Variants in AP4B1 observed in about 807,000 individuals in gnomAD.
The protein encoded by AP4B1 is adaptor related protein complex 4 subunit beta 1.
In AP4B1, 49 loss-of-function variants were observed where a neutral mutation model predicts 76.5. The observed-to-expected ratio is 0.64, with a 90% CI of 0.51 to 0.81. The LOEUF (loss-of-function observed/expected upper bound fraction) is 0.81. Among genes scored for constraint, AP4B1 ranks in the 40% least tolerant of loss-of-function variants. AP4B1 has a pLI of 0.00. For missense variants in AP4B1, 911 were observed against 904.9 expected, an observed-to-expected ratio of 1.01 and a Z score of -0.09; for synonymous variants, 330 against 333.3, an observed-to-expected ratio of 0.99 and a Z score of 0.11.
Position 113,900,338 on chromosome 1 carries a change from G to A in AP4B1, c.680C>T (p.Pro227Leu). The A allele has an allele frequency of 1.2e-6, 2 of 1,611,334 alleles. No individual in the cohort carries two copies. The highest frequency in any genetic ancestry group is 1.7e-6 in the Non-Finnish European group (2 of 1,179,136). ...GTCAAATAGTTCTTCCTCACTGCGG[G>A]GTTGGTAGCGTAGCAGAAAGTTCAA... ...EVLNFLLRYQ[P>L]RSEEELFDIL... The change falls in exon 5 of 10, where the codon CCC becomes CTC. Residue 227 changes from proline to leucine, a missense_variant. Pro to Leu is a moderately conservative substitution (Grantham distance 98, BLOSUM62 -3). Coordinates refer to ENST00000369569, the MANE Select transcript of AP4B1 (RefSeq NM_001253852.3).
At chr1:113,897,714 G>A in intron 7 of AP4B1, 126 bp downstream of exon 7, 1 of 936,454 alleles carries the variant, frequency 1.1e-6, no homozygotes, top group Non-Finnish European at 1.7e-6. Flanking sequence ...AGAATCTAAG[G>A]TGGCAATCAA....
At chr1:113,900,487 C>A in intron 4 of AP4B1, 87 bp from the exon 5 acceptor site, 2 of 1,479,996 alleles carry the variant, frequency 1.4e-6, no homozygotes, top group South Asian at 1.2e-5. Context: ...GGTGGTTGTT[C>A]ATCATAGCAA....
In AP4B1 at chr1:113,894,960, C is replaced by G; in HGVS notation, c.*105G>C. 8.0e-7 allele frequency: 1 copy of G among 1,246,100 alleles called. No homozygotes were observed. The highest frequency in any genetic ancestry group is 1.1e-6 in the Non-Finnish European group (1 of 902,252). 77.2% of individuals were successfully genotyped at this position (1,246,100 alleles called of 1,614,324 possible). A position where few individuals can be genotyped will look rare whatever the true frequency, so the allele number is the denominator to read the frequency against. ...AATCCTGATTTCTAGATTTTCCACT[C>G]TCCTTTGTATCTGATATTATCTGGA... is the stretch of plus-strand genomic sequence containing the variant. On this transcript the variant is annotated 3_prime_UTR_variant, in exon 10 of 10. Transcript: ENST00000369569.
intron 1 of AP4B1, among the ~76,000 whole-genome samples, chr1:113,904,166 C>T (rs1205007013): frequency 6.6e-6 from 1 of 152,118 alleles, no homozygotes; most frequent in Non-Finnish European, 1.5e-5. Flanking sequence ...ATCAGGTGTC[C>T]TCAAGGTTGG....
At chr1:113,896,719 G>A in intron 7 of AP4B1, 3 of 553,524 alleles carry the variant, frequency 5.4e-6, no homozygotes, top group Non-Finnish European at 9.6e-6. Context: ...GGTTTCCTCA[G>A]GTTTGGGGCC....
chr1:113,897,908 A>G lies in AP4B1; in HGVS notation c.1234T>C (p.Cys412Arg), dbSNP rs1345796577. Reference sequence around the variant, plus strand: ...CATACAGCTTCAGTACACTGAGGACACAACCAAACCAGGTCTCGGAAAGTC... The same window carrying G: ...CATACAGCTTCAGTACACTGAGGACGCAACCAAACCAGGTCTCGGAAAGTC... ...VQTFRDLVWL[C>R]PQCTEAVCQA... The change falls in exon 7 of 10, where the codon TGT (cysteine) becomes CGT (arginine). Residue 412 changes from cysteine to arginine, a missense_variant. Transcript: ENST00000369569. 1 of 1,614,076 alleles carries G rather than the reference A, an allele frequency of 6.2e-7. No homozygotes were observed. The highest frequency in any genetic ancestry group is 8.5e-7 in the Non-Finnish European group (1 of 1,180,038).
rs1323542744 is a variant in AP4B1, at chr1:113,894,993, G to A, written c.*72C>T. The A allele has an allele frequency of 6.8e-7, 1 of 1,466,622 alleles. No individual in the cohort carries two copies. The highest frequency in any genetic ancestry group is 2.4e-5 in the East Asian group (1 of 41,768). The allele number at this position is 1,466,622 out of a possible 1,614,324, so 90.9% of individuals were successfully genotyped here. ...TATCTGATATTATCTGGACTTACTG[G>A]CAGCTCTAATAGGAAAGACTAAGAA... On this transcript the variant is annotated 3_prime_UTR_variant, in exon 10 of 10. Coordinates refer to ENST00000369569, the MANE Select transcript of AP4B1 (RefSeq NM_001253852.3).
chr1:113,900,382 T>A lies in AP4B1; in HGVS notation c.636A>T (p.Gln212His), dbSNP rs746978125. 62 of 1,613,220 alleles carry A rather than the reference T, an allele frequency of 3.8e-5. No individual in the cohort carries two copies. The highest frequency in any genetic ancestry group is 5.3e-5 in the Non-Finnish European group (62 of 1,179,860). The part of the protein sequence containing the change: ...HLLNRMSKLD[Q>H]WGQAEVLNFL... ...AGTTCAATACTTCAGCCTGGCCCCA[T>A]TGGTCCAGTTTTGACATTCTATCCA... is the stretch of plus-strand genomic sequence containing the variant. The change falls in exon 5 of 10, where the codon CAA becomes CAT. Residue 212 changes from glutamine to histidine, a missense_variant. Coordinates refer to ENST00000369569, the MANE Select transcript of AP4B1 (RefSeq NM_001253852.3).
intron 7 of AP4B1, 87 bp from the exon 8 acceptor site, chr1:113,896,552 C>T (rs1667496143): frequency 3.2e-6 from 4 of 1,257,370 alleles, no homozygotes; most frequent in East Asian, 4.6e-5. Context: ...TTTTGCTTTT[C>T]GCTTAGTGCC....
intron 3 of AP4B1, 139 bp from the exon 4 acceptor site, chr1:113,901,522 C>CAAA: frequency 1.0e-6 from 1 of 995,902 alleles, no homozygotes; most frequent in Non-Finnish European, 1.4e-6. Context: ...AAGTGCAAGG[C>CAAA]AAAAAAAAAA....
chr1:113,895,031 A>G lies in AP4B1; in HGVS notation c.*34T>C, dbSNP rs776530752. The G allele has an allele frequency of 5.6e-6, 9 of 1,594,038 alleles. No homozygotes were observed. The highest frequency in any genetic ancestry group is 7.7e-6 in the Non-Finnish European group (9 of 1,166,858). The stretch of plus-strand genomic sequence containing the variant: ...GAAAGACTAAGAAAGTGTAATAGTT[A>G]TTCATCTTACTCTAGACAAGCAACA... On this transcript the variant is annotated 3_prime_UTR_variant, in exon 10 of 10. Transcript: ENST00000369569.
At chr1:113,901,433 A>G in intron 3 of AP4B1, 50 bp from the exon 4 acceptor site, 4 of 1,587,642 alleles carry the variant, frequency 2.5e-6, no homozygotes, top group Non-Finnish European at 3.5e-6. Context: ...CTTCAGAGTA[A>G]CAAGGATGTA....
In AP4B1 at chr1:113,897,894, A is replaced by G. The variant is rs757191071; in HGVS notation, c.1248T>C (p.Thr416=). Residue 416 remains threonine (T), a synonymous_variant, in exon 7 of 10, where the codon ACT becomes ACC. Transcript: ENST00000369569. The part of the protein sequence containing the change: ...RDLVWLCPQC[T]EAVCQALPGC... ...CGGGCAGGGCCTGACATACAGCTTC[A>G]GTACACTGAGGACACAACCAAACCA... 7 of 1,614,170 alleles carry G rather than the reference A, an allele frequency of 4.3e-6. No homozygotes were observed. The highest frequency in any genetic ancestry group is 5.9e-6 in the Non-Finnish European group (7 of 1,180,042).
intron 5 of AP4B1, chr1:113,899,466 C>G (rs990680305): frequency 1.6e-6 from 1 of 622,914 alleles, no homozygotes; most frequent in Admixed American, 5.1e-5. Context: ...GTCAGGAAAG[C>G]TGGATTTCAG....
rs1439561479 is a variant in AP4B1 at position 113,901,272 on chromosome 1, A to G, written c.581T>C (p.Val194Ala). ...ATGGTGAGCAATGGGCTTATTGATG[A>G]CAACGCCTCCTTCCTGTTTCAGAAT... ...EEILKQEGGVVINKPIAHHLL... is the reference protein window; with the variant it reads ...EEILKQEGGVAINKPIAHHLL... The change falls in exon 4 of 10, where the codon GTC becomes GCC. Residue 194 changes from valine (V) to alanine (A), a missense_variant. Coordinates refer to ENST00000369569, the MANE Select transcript of AP4B1 (RefSeq NM_001253852.3). 4.3e-6 allele frequency: 7 copies of G among 1,614,048 alleles called. No individual in the cohort carries two copies. The highest frequency in any genetic ancestry group is 2.7e-5 in the African/African-American group (2 of 74,936).
chr1:113,895,003 T>C lies in AP4B1; in HGVS notation c.*62A>G, dbSNP rs370272880. ...TATCTGGACTTACTGGCAGCTCTAA[T>C]AGGAAAGACTAAGAAAGTGTAATAG... On this transcript the variant is annotated 3_prime_UTR_variant, in exon 10 of 10. Coordinates refer to ENST00000369569, the MANE Select transcript of AP4B1 (RefSeq NM_001253852.3). 7.8e-6 allele frequency: 12 copies of C among 1,528,958 alleles called. No homozygotes were observed. Among genetic ancestry groups the C allele is most frequent in the African/African-American group, 1.4e-5 (1 of 72,646 alleles). 94.7% of individuals were successfully genotyped at this position (1,528,958 alleles called of 1,614,324 possible).
At chr1:113,900,710 G>A (rs957197397) in intron 4 of AP4B1, 2 of 409,458 alleles carry the variant, frequency 4.9e-6, no homozygotes, top group African/African-American at 4.1e-5. Context: ...CATGACTAGA[G>A]AAGGGTAGAA....
Position 113,895,833 on chromosome 1 carries a change from C to T in AP4B1, c.1716G>A (p.Trp572Ter). The T allele has an allele frequency of 6.2e-7, 1 of 1,614,182 alleles. No homozygotes were observed. Among genetic ancestry groups the T allele is most frequent in the Non-Finnish European group, 8.5e-7 (1 of 1,180,040 alleles). Residue 572 changes from tryptophan (W) to a stop codon, truncating the protein, a stop_gained, in exon 9 of 10, where the codon TGG becomes TGA. Transcript: ENST00000369569. LOFTEE classifies it high-confidence loss of function. ...TLVPVYGKAHWATISKCQGAE... is the reference protein window; with the variant it reads ...TLVPVYGKAH The stretch of plus-strand genomic sequence containing the variant: ...CCCCCTGGCATTTAGAGATAGTTGC[C>T]CAGTGGGCTTTGCCATACACTGGCA...
chr1:113,895,017 A>G lies in AP4B1; in HGVS notation c.*48T>C. On this transcript the variant is annotated 3_prime_UTR_variant, in exon 10 of 10. Transcript: ENST00000369569. ...GGCAGCTCTAATAGGAAAGACTAAG[A>G]AAGTGTAATAGTTATTCATCTTACT... is the stretch of plus-strand genomic sequence containing the variant. 2.5e-6 allele frequency: 4 copies of G among 1,571,462 alleles called. No individual in the cohort carries two copies. Among genetic ancestry groups the G allele is most frequent in the Non-Finnish European group, 3.5e-6 (4 of 1,151,202 alleles).
Sources: allele counts gnomAD v4.1 joint callset (sites outside exome capture counted in the v4.1 genomes callset), GRCh38; gene constraint gnomAD v4.1.1; transcripts MANE v1.5; gene names NCBI Gene and HGNC (gene_info 2026-07-23, HGNC 2026-07-21).